The following WRNIP1 variants were observed in gnomAD, a reference collection of about 807,000 sequenced individuals.
The protein encoded by WRNIP1 is ATPase WRNIP1.
Under a neutral mutation model 56.1 loss-of-function variants are expected in WRNIP1, and 41 were observed. The ratio of observed to expected loss-of-function variants is 0.73; its 90% CI spans 0.57 to 0.95. WRNIP1 has a LOEUF of 0.95. Among genes scored for constraint, WRNIP1 ranks in the 40% least tolerant of loss-of-function variants. The pLI is 0.00. For synonymous variants in WRNIP1, 547 were observed against 398.1 expected, an observed-to-expected ratio of 1.37 and a Z score of -4.45; for missense variants, 1,170 against 939.4, an observed-to-expected ratio of 1.25 and a Z score of -3.21.
chr6:2,779,323 C>T lies in WRNIP1; in HGVS notation c.1317C>T (p.Asp439=), dbSNP rs1186677062. Residue 439 remains aspartate, a synonymous_variant, in exon 4 of 7, where the codon GAC becomes GAT. Transcript: ENST00000380773. Reference sequence around the variant, plus strand: ...CCCTGGCTTACCTCAGTGACGGTGACGCCCGAGCTGGGTTGAACGGACTGC... The same window carrying T: ...CCCTGGCTTACCTCAGTGACGGTGATGCCCGAGCTGGGTTGAACGGACTGC... The part of the protein sequence containing the change: ...VDTLAYLSDG[D]ARAGLNGLQL... The T allele has an allele frequency of 1.2e-5, 19 of 1,614,058 alleles. No individual in the cohort carries two copies. Among genetic ancestry groups the T allele is most frequent in the Middle Eastern group, 1.6e-4 (1 of 6,084 alleles).
At chr6:2,773,974 C>T (rs1581137266) in intron 3 of WRNIP1, 1 of 985,118 alleles carries the variant, frequency 1.0e-6, no homozygotes, top group Non-Finnish European at 1.2e-6. Context: ...AGAGGAGAGC[C>T]CCTGACAAGC....
intron 4 of WRNIP1, among the ~76,000 whole-genome samples, chr6:2,782,006 A>C (rs1183480869): frequency 1.3e-5 from 2 of 152,232 alleles, no homozygotes; most frequent in African/African-American, 2.4e-5. Flanking sequence ...TGGCATTGAC[A>C]AAGTGGGAAA....
intron 3 of WRNIP1, among the ~76,000 whole-genome samples, chr6:2,777,318 G>A (rs1561914146): frequency 6.8e-6 from 1 of 148,020 alleles, no homozygotes; most frequent in Non-Finnish European, 1.5e-5. Flanking sequence ...TCCTTGAGGT[G>A]CTCCGCATAG....
chr6:2,783,576 A>T lies in WRNIP1; in HGVS notation c.1642+15A>T. On this transcript the variant is annotated intron_variant, in intron 5 of 6. Coordinates refer to ENST00000380773, the MANE Select transcript of WRNIP1 (RefSeq NM_020135.3). ...CGAGGACATAGGTGAGTGTGATGGGAGGGTCCCGGAGTCCTATGTCCATGA... is the reference window on the plus strand; with the variant it reads ...CGAGGACATAGGTGAGTGTGATGGGTGGGTCCCGGAGTCCTATGTCCATGA... 1 of 1,348,594 alleles carries T rather than the reference A, an allele frequency of 7.4e-7. No individual in the cohort carries two copies. The highest frequency in any genetic ancestry group is 1.2e-5 in the South Asian group (1 of 83,924). The allele number at this position is 1,348,594 out of a possible 1,614,324, so 83.5% of individuals were successfully genotyped here. A position where few individuals can be genotyped will look rare whatever the true frequency, so the allele number is the denominator to read the frequency against.
At chr6:2,780,773 C>T (rs751976933) in intron 4 of WRNIP1, among the ~76,000 whole-genome samples, 5 of 152,106 alleles carry the variant, frequency 3.3e-5, no homozygotes, top group Non-Finnish European at 4.4e-5. Context: ...GCAGCAGCAG[C>T]GGTCTCTCTC....
In WRNIP1 at chr6:2,766,346, C is replaced by G; in HGVS notation, c.724C>G (p.Gln242Glu). 6.2e-7 allele frequency: 1 copy of G among 1,610,458 alleles called. No individual in the cohort carries two copies. ...RPDTLQDYFG[Q>E]SKAVGQDTLL... The stretch of plus-strand genomic sequence containing the variant: ...TGACACGCTGCAGGATTACTTCGGG[C>G]AGAGCAAGGCCGTGGGCCAGGATAC... Residue 242 changes from glutamine to glutamate, a missense_variant, in exon 1 of 7, where the codon CAG becomes GAG. Coordinates refer to ENST00000380773, the MANE Select transcript of WRNIP1 (RefSeq NM_020135.3).
At chr6:2,769,391 CAA>C (rs1364141412) in intron 2 of WRNIP1, among the ~76,000 whole-genome samples, 1 of 151,742 alleles carries the variant, frequency 6.6e-6, no homozygotes, top group Non-Finnish European at 1.5e-5. Context: ...TTTTTATAAA[CAA>C]AGCCACTTAG....
At chr6:2,784,560 T>TC in intron 6 of WRNIP1, among the ~76,000 whole-genome samples, 157 bp downstream of exon 6, 1 of 152,256 alleles carries the variant, frequency 6.6e-6, no homozygotes, top group African/African-American at 2.4e-5. Flanking sequence ...ACTCTTAGAC[T>TC]CCTAGAGAGG....
chr6:2,780,832 G>A (rs555099903), intron 4 of WRNIP1, among the ~76,000 whole-genome samples: 12 of 152,220 alleles, frequency 7.9e-5, no homozygotes, highest in East Asian at 3.9e-4. Flanking sequence ...TGATTGGAAC[G>A]ACTAGGACTG....
At chr6:2,773,638 G>A (rs940284481) in intron 3 of WRNIP1, 1 of 985,366 alleles carries the variant, frequency 1.0e-6, no homozygotes, top group African/African-American at 1.7e-5. Context: ...CATGATTCAT[G>A]ATACGAAGAA....
At position 2,783,388 on chromosome 6, in the gene WRNIP1, T is replaced by C. The variant is rs752718367; in HGVS notation, c.1487-18T>C. Reference sequence around the variant, plus strand: ...CCTCCTGTGAGCTCTGTGTGAGTGGTGCTCTTTGTGATGTCAGGTGAGGAG... The same window carrying C: ...CCTCCTGTGAGCTCTGTGTGAGTGGCGCTCTTTGTGATGTCAGGTGAGGAG... On this transcript the variant is annotated intron_variant, in intron 4 of 6. Coordinates refer to ENST00000380773, the MANE Select transcript of WRNIP1 (RefSeq NM_020135.3). 2 of 1,571,886 alleles carry C rather than the reference T, an allele frequency of 1.3e-6. No homozygotes were observed. The highest frequency in any genetic ancestry group is 1.7e-6 in the Non-Finnish European group (2 of 1,153,358).
Position 2,768,732 on chromosome 6 carries a change from T to C in WRNIP1, c.864T>C (p.His288=), listed in dbSNP as rs1561908530. Residue 288 remains histidine (H), a synonymous_variant, in exon 2 of 7, where the codon CAT becomes CAC. Transcript: ENST00000380773. ...TCATAGCCAGCAACAGCAAGAAACA[T>C]AGCATAAGGTTTGTGACATTATCTG... ...AHIIASNSKK[H]SIRFVTLSAT... is the part of the protein sequence containing the mutation. 1 of 1,613,118 alleles carries C rather than the reference T, an allele frequency of 6.2e-7. No homozygotes were observed. The highest frequency in any genetic ancestry group is 1.3e-5 in the African/African-American group (1 of 74,990).
chr6:2,781,267 G>T (rs554372396), intron 4 of WRNIP1, among the ~76,000 whole-genome samples: 38 of 152,230 alleles, frequency 2.5e-4, no homozygotes, highest in African/African-American at 7.2e-4. Flanking sequence ...GAGCTGGGGG[G>T]TGGTGGAGGC....
chr6:2,771,595 C>G (rs1440426753), intron 3 of WRNIP1, among the ~76,000 whole-genome samples: 1 of 152,166 alleles, frequency 6.6e-6, no homozygotes, highest in Non-Finnish European at 1.5e-5. Context: ...AAATCTAAAG[C>G]TTTTTGAGCA....
chr6:2,785,167 A>T lies in WRNIP1; in HGVS notation c.1883A>T (p.Asp628Val), dbSNP rs750622426. The change falls in exon 7 of 7, where the codon GAT becomes GTT. Residue 628 changes from aspartate (D) to valine (V), a missense_variant. By Grantham distance (152) the Asp-to-Val change is radical. Transcript: ENST00000380773. The part of the protein sequence containing the change: ...LRNAPTRLMK[D>V]LGYGKGYKYN... ...AACGCGCCCACTAGGCTGATGAAGG[A>T]TTTGGGCTATGGCAAAGGCTACAAG... is the stretch of plus-strand genomic sequence containing the variant. 17 of 1,614,184 alleles carry T rather than the reference A, an allele frequency of 1.1e-5. No individual in the cohort carries two copies. Among genetic ancestry groups the T allele is most frequent in the Admixed American group, 1.7e-5 (1 of 60,024 alleles).
chr6:2,784,946 G>C (rs1253777125), intron 6 of WRNIP1, 61 bp from the exon 7 acceptor site: 3 of 1,588,820 alleles, frequency 1.9e-6, no homozygotes, highest in African/African-American at 2.7e-5. Context: ...ATCAGAAGGG[G>C]CTCTGCAGAA....
Position 2,766,298 on chromosome 6 carries a change from C to G in WRNIP1, c.676C>G (p.Pro226Ala), listed in dbSNP as rs749458869. Residue 226 changes from proline (P) to alanine (A), a missense_variant, in exon 1 of 7, where the codon CCG becomes GCG. By Grantham distance (27) the Pro-to-Ala change is conservative (BLOSUM62 -1). Transcript: ENST00000380773. ...EEIRQMLQGK[P>A]LADTMRPDTL... ...GATCCGACAGATGCTACAGGGCAAG[C>G]CGCTGGCCGACACGATGCGTCCTGA... The G allele has an allele frequency of 1.6e-5, 26 of 1,606,720 alleles. No individual in the cohort carries two copies. The highest frequency in any genetic ancestry group is 1.5e-4 in the Admixed American group (9 of 59,490).
At chr6:2,782,132 C>T (rs557806439) in intron 4 of WRNIP1, among the ~76,000 whole-genome samples, 125 of 152,254 alleles carry the variant, frequency 8.2e-4, no homozygotes, top group Non-Finnish European at 1.6e-3. Context: ...CCCTCTTCCC[C>T]GCCTTCCTCC....
At chr6:2,774,166 A>T (rs1364669891) in intron 3 of WRNIP1, 1 of 985,124 alleles carries the variant, frequency 1.0e-6, no homozygotes, top group Non-Finnish European at 1.2e-6. Context: ...TTTTTTAAGT[A>T]CATTAATACA....
Sources: gnomAD v4.1 joint callset for allele counts (sites outside exome capture counted in the v4.1 genomes callset) on GRCh38, gnomAD v4.1.1 for gene constraint, MANE v1.5 for transcripts, NCBI Gene and HGNC (gene_info 2026-07-23, HGNC 2026-07-21) for gene names.